Variants in ASIC2 observed in about 807,000 individuals in gnomAD.
ASIC2 encodes the protein acid sensing ion channel subunit 2.
Under a neutral mutation model 57.3 loss-of-function variants are expected in ASIC2, and 25 were observed. The observed-to-expected ratio is 0.44, with a 90% CI of 0.32 to 0.61. The LOEUF is 0.61. Among genes scored for constraint, ASIC2 ranks in the 20% least tolerant of loss-of-function variants. ASIC2 has a pLI of 0.06. For missense variants in ASIC2, 641 were observed against 738.1 expected (o/e 0.87, Z 1.52); for synonymous variants, 319 against 307.5 (o/e 1.04, Z -0.39).
rs191149100 is a variant in ASIC2 at position 33,957,169 on chromosome 17, C to A, written c.555+198809G>T. On this transcript the variant is annotated intron_variant, in intron 1 of 9. Transcript: ENST00000359872. ...CCCCCACTCATACACCTACCTGTCC[C>A]TACATATCCAAAGCTCTGAATTCGA... Among the ~76,000 whole-genome samples the A allele has an allele frequency of 1.7e-3, 253 of 152,328 alleles. 1 individual carries two copies. In the Middle Eastern group the frequency reaches 0.031, roughly 18 times the overall value.
intron 1 of ASIC2, among the ~76,000 whole-genome samples, chr17:33,337,190 C>T (rs1907547245): frequency 6.6e-6 from 1 of 152,156 alleles, no homozygotes; most frequent in Non-Finnish European, 1.5e-5. Context: ...TGAGGTAGCA[C>T]TGACAGAACC....
chr17:33,015,441 G>C (rs1184766351), intron 9 of ASIC2, among the ~76,000 whole-genome samples: 1 of 152,178 alleles, frequency 6.6e-6, no homozygotes, highest in Non-Finnish European at 1.5e-5. Context: ...GTGGGACTTT[G>C]GTCTCTGGGC....
intron 1 of ASIC2, among the ~76,000 whole-genome samples, chr17:33,646,367 T>G (rs1865390): frequency 6.6e-6 from 1 of 152,270 alleles, no homozygotes; most frequent in African/African-American, 2.4e-5. Context: ...GGAAGAGATG[T>G]TCCACTGATT....
In ASIC2 at chr17:33,023,941, CT is replaced by C; in HGVS notation, c.1268del (p.Glu423GlyfsTer5). ...TGCTGGGGATCTTCACCATGGAGAG[CT>C]CTTTGTTGTAGCGGGTTAGGTTGCA... Reference protein sequence around the residue: ...TPCNLTRYNKELSMVKIPSKT... With the variant: ...TPCNLTRYNKXLSMVKIPSKT... On this transcript the variant is annotated frameshift_variant, in exon 6 of 10. Transcript: ENST00000225823. LOFTEE classifies it high-confidence loss of function. The C allele has an allele frequency of 6.2e-7, 1 of 1,614,216 alleles. No individual in the cohort carries two copies. Among genetic ancestry groups the C allele is most frequent in the Non-Finnish European group, 8.5e-7 (1 of 1,180,046 alleles).
rs1370604909 is a variant in ASIC2 at position 33,428,699 on chromosome 17, T to C, written c.556-316632A>G. ...TTTGACCCATGAACCCTCCCTGCAG[T>C]CCTCCACCTTTGGAATGCAGGTGTG... On this transcript the variant is annotated intron_variant, in intron 1 of 9. Coordinates refer to the ASIC2 transcript ENST00000359872. Among the ~76,000 whole-genome samples, 3 of 152,104 alleles carry C rather than the reference T, an allele frequency of 2.0e-5. No homozygotes were observed. In the East Asian group the frequency reaches 5.8e-4, roughly 29 times the overall value.
chr17:33,805,465 G>C (rs1225814198), intron 1 of ASIC2, among the ~76,000 whole-genome samples: 1 of 152,156 alleles, frequency 6.6e-6, no homozygotes, highest in Admixed American at 6.5e-5. Context: ...CAGTCTCCAA[G>C]AGCCTCACTT....
chr17:33,971,585 T>C (rs997082018), intron 1 of ASIC2, among the ~76,000 whole-genome samples: 1 of 152,180 alleles, frequency 6.6e-6, no homozygotes, highest in Non-Finnish European at 1.5e-5. Flanking sequence ...TTTGCTGGAA[T>C]GAACTCTTTG....
At chr17:33,634,088 A>G (rs1448586729) in intron 1 of ASIC2, among the ~76,000 whole-genome samples, 1 of 152,198 alleles carries the variant, frequency 6.6e-6, no homozygotes, top group Non-Finnish European at 1.5e-5. Context: ...CAGGCCCCCA[A>G]GAGTTGGACT....
chr17:33,158,151 C>T (rs1394478297), intron 1 of ASIC2, among the ~76,000 whole-genome samples: 1 of 152,210 alleles, frequency 6.6e-6, no homozygotes, highest in Non-Finnish European at 1.5e-5. Context: ...GGTATCCTAC[C>T]AGTATAACCC....
At chr17:34,018,206 A>G (rs955135039) in intron 1 of ASIC2, among the ~76,000 whole-genome samples, 3 of 152,206 alleles carry the variant, frequency 2.0e-5, no homozygotes, top group African/African-American at 7.2e-5. Flanking sequence ...ATTATACTAA[A>G]TCTACACTGT....
chr17:33,293,876 G>A (rs184740231), upstream of ASIC2, among the ~76,000 whole-genome samples: 156 of 152,202 alleles, frequency 1.0e-3, no homozygotes, highest in African/African-American at 3.7e-3. Flanking sequence ...TGTGTGGATG[G>A]ATATCAGGGT....
chr17:33,425,946 G>T (rs558408370), intron 1 of ASIC2, among the ~76,000 whole-genome samples: 8 of 152,226 alleles, frequency 5.3e-5, no homozygotes, highest in African/African-American at 1.9e-4. Context: ...TGGCTGTAGG[G>T]GTGGAAGGTG....
At chr17:33,129,824 A>ATGGAGGTTGTTAGG (rs1325338402) in intron 1 of ASIC2, among the ~76,000 whole-genome samples, 2 of 152,150 alleles carry the variant, frequency 1.3e-5, no homozygotes, top group Non-Finnish European at 2.9e-5. Context: ...TTTGGGTTAG[A>ATGGAGGTTGTTAGG]TGGAGGTTGT....
intron 1 of ASIC2, among the ~76,000 whole-genome samples, chr17:33,727,946 G>A (rs1488485386): frequency 6.6e-6 from 1 of 152,086 alleles, no homozygotes; most frequent in Non-Finnish European, 1.5e-5. Flanking sequence ...TTCTTTTCTT[G>A]GGCACCTTTG....
At chr17:33,955,303 T>G (rs1904699563) in intron 1 of ASIC2, 1 of 152,262 alleles carries the variant, frequency 6.6e-6, no homozygotes, top group Non-Finnish European at 1.5e-5. Flanking sequence ...CTTTCCATTT[T>G]AAATCCACCC....
At chr17:34,045,784 C>T (rs910145049) in intron 1 of ASIC2, among the ~76,000 whole-genome samples, 1 of 152,168 alleles carries the variant, frequency 6.6e-6, no homozygotes, top group Non-Finnish European at 1.5e-5. Flanking sequence ...TGGGGTAGTT[C>T]CTACACAAAC....
At chr17:34,038,479 G>C in intron 1 of ASIC2, 1 of 1,612,052 alleles carries the variant, frequency 6.2e-7, no homozygotes, top group Non-Finnish European at 8.5e-7. Context: ...TCACAGCTAC[G>C]TATCTTTGCT....
intron 1 of ASIC2, among the ~76,000 whole-genome samples, chr17:33,264,553 C>A (rs112238070): frequency 0.022 from 3,355 of 152,306 alleles, 98 homozygotes; most frequent in African/African-American, 0.071. Flanking sequence ...CATACCAGGC[C>A]ACGTGCATCT....
intron 1 of ASIC2, among the ~76,000 whole-genome samples, chr17:33,858,824 C>A (rs1487449552): frequency 1.3e-5 from 2 of 152,216 alleles, no homozygotes; most frequent in Non-Finnish European, 2.9e-5. Flanking sequence ...CCATGCCAGA[C>A]ACAAGGAGGC....
Sources: allele counts gnomAD v4.1 joint callset (sites outside exome capture counted in the v4.1 genomes callset), GRCh38; gene constraint gnomAD v4.1.1; transcripts MANE v1.5; gene names NCBI Gene and HGNC (gene_info 2026-07-23, HGNC 2026-07-21).